TACC2: variants seen among roughly 807,000 people sequenced by gnomAD.
The protein encoded by TACC2 is transforming acidic coiled-coil-containing protein 2.
TACC2 carries 137 observed loss-of-function variants against 227.3 expected under a neutral mutation model. The ratio of observed to expected loss-of-function variants is 0.60; its 90% CI spans 0.52 to 0.69. The LOEUF (loss-of-function observed/expected upper bound fraction) is 0.69. TACC2 is among the 30% of genes least tolerant of loss of function. TACC2 has a pLI of 0.00. For missense variants in TACC2, 3,470 were observed against 3,694.4 expected (o/e 0.94, Z 1.57); for synonymous variants, 1,523 against 1,487.5 (o/e 1.02, Z -0.55).
At chr10:122,251,411 A>G (rs1304375109) in intron 22 of TACC2, among the ~76,000 whole-genome samples, 1 of 152,066 alleles carries the variant, frequency 6.6e-6, no homozygotes, top group South Asian at 2.1e-4. Flanking sequence ...GTTTTTGCTC[A>G]CTCACCCAGT....
At chr10:122,102,224 A>AC (rs2082250842) in intron 5 of TACC2, among the ~76,000 whole-genome samples, 1 of 152,020 alleles carries the variant, frequency 6.6e-6, no homozygotes, top group African/African-American at 2.4e-5. Context: ...CCTAGATGCC[A>AC]CCCCCAGAGC....
At chr10:122,118,305 G>A (rs1250159216) in intron 5 of TACC2, among the ~76,000 whole-genome samples, 3 of 152,084 alleles carry the variant, frequency 2.0e-5, no homozygotes, top group Admixed American at 1.3e-4. Context: ...GTGAGCCACC[G>A]CGCCCAGCCT....
At chr10:122,021,619 G>A (rs2459085) in intron 1 of TACC2, among the ~76,000 whole-genome samples, 74,536 of 151,744 alleles carry the variant, frequency 0.49, 18,474 homozygotes, top group Admixed American at 0.59. Flanking sequence ...TTTGGCAAAC[G>A]GACCCCTTTT....
chr10:122,088,661 G>C (rs1216001411), intron 5 of TACC2, 70 bp downstream of exon 5: 1 of 1,567,332 alleles, frequency 6.4e-7, no homozygotes, highest in Non-Finnish European at 8.7e-7. Context: ...TGGATGTTTT[G>C]GAAAGGAGAG....
intron 2 of TACC2, among the ~76,000 whole-genome samples, chr10:122,040,449 A>G (rs1441241403): frequency 1.3e-5 from 2 of 152,140 alleles, no homozygotes; most frequent in Non-Finnish European, 2.9e-5. Context: ...CACAGCCCCA[A>G]ATCCTGAAGG....
chr10:121,997,998 G>A (rs935518475), intron 1 of TACC2, among the ~76,000 whole-genome samples: 2 of 152,112 alleles, frequency 1.3e-5, no homozygotes, highest in African/African-American at 4.8e-5. Flanking sequence ...GCAGCCAGAC[G>A]CTGCTCAAGG....
Position 122,229,499 on chromosome 10 carries a change from C to T in TACC2, c.8037+13C>T, listed in dbSNP as rs777930616. The T allele has an allele frequency of 9.9e-6, 16 of 1,613,724 alleles. No homozygotes were observed. In the African/African-American group the frequency reaches 1.2e-4, roughly 12 times the overall value. On this transcript the variant is annotated intron_variant, in intron 15 of 22. Coordinates refer to ENST00000369005, the MANE Select transcript of TACC2 (RefSeq NM_206862.4). ...TCAGAAACTCCAGGTTTGTAGCCCA[C>T]GTGTGACCTTTTGGGAGTTTGTCAA...
At chr10:122,131,556 A>G (rs772710334) in intron 5 of TACC2, among the ~76,000 whole-genome samples, 15 of 152,220 alleles carry the variant, frequency 9.9e-5, no homozygotes, top group Non-Finnish European at 2.2e-4. Flanking sequence ...ATATAATTAA[A>G]TGAATTACTA....
At chr10:122,189,700 A>C (rs1005992866) in intron 7 of TACC2, among the ~76,000 whole-genome samples, 1 of 152,262 alleles carries the variant, frequency 6.6e-6, no homozygotes, top group Non-Finnish European at 1.5e-5. Context: ...AGCAATGCTC[A>C]AGAAGGAATT....
chr10:122,107,221 T>C (rs1005532420), intron 5 of TACC2, among the ~76,000 whole-genome samples: 1 of 152,208 alleles, frequency 6.6e-6, no homozygotes, highest in Non-Finnish European at 1.5e-5. Context: ...CCAAGTGTGC[T>C]CTGAAAAGCA....
At chr10:122,101,723 C>CTTTTTTTTTTTTTT (rs1179126977) in intron 5 of TACC2, among the ~76,000 whole-genome samples, 32 of 55,734 alleles carry the variant, frequency 5.7e-4, no homozygotes, top group East Asian at 1.3e-3. Context: ...CCATGCCCAG[C>CTTTTTTTTTTTTTT]TTTTTTTTTT....
intron 5 of TACC2, among the ~76,000 whole-genome samples, chr10:122,121,516 G>T (rs1421342356): frequency 6.6e-6 from 1 of 152,218 alleles, no homozygotes; most frequent in Non-Finnish European, 1.5e-5. Context: ...TCTCCAGGGG[G>T]AGGAGGAATG....
chr10:122,191,745 T>A (rs2094418731), intron 7 of TACC2, among the ~76,000 whole-genome samples: 1 of 152,258 alleles, frequency 6.6e-6, no homozygotes, highest in African/African-American at 2.4e-5. Context: ...AATTTAGAGA[T>A]ATTTCAGCAG....
At position 122,211,130 on chromosome 10, in the gene TACC2, T is replaced by C. The variant is rs746637680; in HGVS notation, c.6705T>C (p.Pro2235=). The part of the protein sequence containing the change: ...NSPPVGRKTL[P]LTTAPEAGEV... ...CCCCTGTCGGGAGGAAAACGCTGCC[T>C]CTTACCACGGCCCCGGAGGCAGGGG... The change falls in exon 9 of 23, where the codon CCT becomes CCC. Residue 2235 remains proline, a synonymous_variant. Coordinates refer to ENST00000369005, the MANE Select transcript of TACC2 (RefSeq NM_206862.4). 1 of 1,609,456 alleles carries C rather than the reference T, an allele frequency of 6.2e-7. No homozygotes were observed. The highest frequency in any genetic ancestry group is 8.5e-7 in the Non-Finnish European group (1 of 1,178,152).
chr10:122,154,533 A>T (rs1413559026), intron 7 of TACC2, among the ~76,000 whole-genome samples: 1 of 152,218 alleles, frequency 6.6e-6, no homozygotes, highest in Non-Finnish European at 1.5e-5. Context: ...GCTCTCTCTC[A>T]CAACGATTCC....
chr10:122,078,869 G>A (rs988903241), intron 3 of TACC2: 3 of 152,238 alleles, frequency 2.0e-5, no homozygotes, highest in Middle Eastern at 3.2e-3. Context: ...TATTTGGGAG[G>A]AGTTGTTGTG....
At chr10:122,181,473 G>A (rs1290724455) in intron 7 of TACC2, among the ~76,000 whole-genome samples, 1 of 152,122 alleles carries the variant, frequency 6.6e-6, no homozygotes, top group East Asian at 1.9e-4. Context: ...GATTGTGCAA[G>A]GTGCTTTACA....
rs915472043 is a variant in TACC2 at position 122,251,182 on chromosome 10, C to T, written c.8781+1518C>T. Among the ~76,000 whole-genome samples, 3 of 152,204 alleles carry T rather than the reference C, an allele frequency of 2.0e-5. No individual in the cohort carries two copies. The South Asian group carries it at 6.2e-4, about 32-fold the overall frequency. On this transcript the variant is annotated intron_variant, in intron 22 of 22. Coordinates refer to ENST00000369005, the MANE Select transcript of TACC2 (RefSeq NM_206862.4). ...TCAAGCAGTCCTCCTGTCTCAGCCT[C>T]CCAAAGTGCTGGGATTATAGGTGTG...
intron 7 of TACC2, among the ~76,000 whole-genome samples, chr10:122,152,261 C>T (rs1238626733): frequency 6.6e-6 from 1 of 152,158 alleles, no homozygotes; most frequent in Non-Finnish European, 1.5e-5. Context: ...GTCCTGCCTG[C>T]CTTTCTTGGG....
Sources: gnomAD v4.1 joint callset for allele counts (sites outside exome capture counted in the v4.1 genomes callset) on GRCh38, gnomAD v4.1.1 for gene constraint, MANE v1.5 for transcripts, NCBI Gene and HGNC (gene_info 2026-07-23, HGNC 2026-07-21) for gene names.